CCSER1: variants seen among roughly 807,000 people sequenced by gnomAD.
The protein encoded by CCSER1 is coiled-coil serine rich protein 1, also known as serine-rich coiled-coil domain-containing protein 1.
A neutral mutation model predicts 82.0 loss-of-function variants in CCSER1; 41 were observed. The observed-to-expected ratio is 0.50, with a 90% CI of 0.39 to 0.65. The LOEUF (loss-of-function observed/expected upper bound fraction) is 0.65, where lower values mean the gene tolerates loss of function less well. Among genes scored for constraint, CCSER1 ranks in the 30% least tolerant of loss-of-function variants. The probability of loss-of-function intolerance (pLI) is 0.00; values close to 1 mark genes in which losing one functional copy is unlikely to be tolerated. For missense variants in CCSER1, 1,119 were observed against 1,064.2 expected (o/e 1.05, Z -0.72); for synonymous variants, 414 against 383.9 (o/e 1.08, Z -0.92).
At chr4:91,361,455 G>A (rs974012229) in intron 10 of CCSER1, among the ~76,000 whole-genome samples, 1 of 151,782 alleles carries the variant, frequency 6.6e-6, no homozygotes, top group African/African-American at 2.4e-5. Context: ...GAGATGATTA[G>A]AGTCTTAACT....
intron 5 of CCSER1, among the ~76,000 whole-genome samples, chr4:90,545,879 T>C (rs774603813): frequency 6.6e-6 from 1 of 152,170 alleles, no homozygotes; most frequent in African/African-American, 2.4e-5. Flanking sequence ...AACAATATTT[T>C]CCTCTAGGGA....
chr4:90,870,601 A>T (rs188117730), intron 8 of CCSER1, among the ~76,000 whole-genome samples: 1 of 151,638 alleles, frequency 6.6e-6, no homozygotes. Context: ...CATTTTGTTG[A>T]GGTTTTTTAC....
At chr4:91,191,376 G>T (rs1348892477) in intron 10 of CCSER1, among the ~76,000 whole-genome samples, 2 of 151,918 alleles carry the variant, frequency 1.3e-5, no homozygotes, top group Non-Finnish European at 2.9e-5. Context: ...TTCTTTCTGG[G>T]GCCAAACTGT....
At chr4:91,238,988 T>C (rs1454758068) in intron 10 of CCSER1, among the ~76,000 whole-genome samples, 2 of 152,054 alleles carry the variant, frequency 1.3e-5, no homozygotes, top group African/African-American at 4.8e-5. Context: ...CGTGCCTGGC[T>C]AATTTTTTTG....
chr4:90,885,726 A>T (rs909258048), intron 8 of CCSER1, among the ~76,000 whole-genome samples: 1 of 152,184 alleles, frequency 6.6e-6, no homozygotes, highest in Non-Finnish European at 1.5e-5. Flanking sequence ...CCACCTCTTG[A>T]GTGACAGAAA....
intron 5 of CCSER1, among the ~76,000 whole-genome samples, chr4:90,552,167 A>G (rs577767288): frequency 7.9e-5 from 12 of 152,154 alleles, no homozygotes; most frequent in Non-Finnish European, 1.3e-4. Context: ...CACATTGGCC[A>G]TTAAGTTTCA....
chr4:90,581,113 A>G (rs1179200730), intron 5 of CCSER1, among the ~76,000 whole-genome samples: 1 of 152,142 alleles, frequency 6.6e-6, no homozygotes, highest in African/African-American at 2.4e-5. Context: ...GCAACAAATA[A>G]GAAACAAAGA....
chr4:91,437,561 C>T (rs569362490), intron 10 of CCSER1, among the ~76,000 whole-genome samples: 18 of 152,254 alleles, frequency 1.2e-4, no homozygotes, highest in East Asian at 9.7e-4. Context: ...ATGCAGAAGA[C>T]GGGTGATTTC....
At chr4:91,584,147 A>G (rs762411530) in intron 10 of CCSER1, among the ~76,000 whole-genome samples, 1 of 151,510 alleles carries the variant, frequency 6.6e-6, no homozygotes. Context: ...AATAACTACT[A>G]AATGCCAGAA....
rs149719456 is a variant in CCSER1 at position 91,144,533 on chromosome 4, G to C, written c.2217+58539G>C. On this transcript the variant is annotated intron_variant, in intron 10 of 10. Coordinates refer to ENST00000509176, the MANE Select transcript of CCSER1 (RefSeq NM_001145065.2). ...GGCTAGTTTGTTGTCATTTTCTCTA[G>C]TTTCCAGGTTGATGTTCTTTTCTTA... Among the ~76,000 whole-genome samples, 911 of 151,458 alleles carry C rather than the reference G, an allele frequency of 6.0e-3. 12 individuals are homozygous for C. Among genetic ancestry groups the C allele is most frequent in the African/African-American group, 0.021 (852 of 41,320 alleles).
At chr4:91,582,291 A>AC (rs1257540948) in intron 10 of CCSER1, among the ~76,000 whole-genome samples, 2 of 151,568 alleles carry the variant, frequency 1.3e-5, no homozygotes, top group Non-Finnish European at 3.0e-5. Context: ...TGGACATTCA[A>AC]ATCTTGTCTG....
At chr4:90,707,061 C>T (rs1480488860) in intron 6 of CCSER1, among the ~76,000 whole-genome samples, 5 of 152,154 alleles carry the variant, frequency 3.3e-5, no homozygotes, top group Non-Finnish European at 7.3e-5. Context: ...TGCCATCAGA[C>T]TGTATCACTT....
chr4:91,546,463 G>A (rs1761894213), intron 10 of CCSER1, among the ~76,000 whole-genome samples: 1 of 151,798 alleles, frequency 6.6e-6, no homozygotes, highest in South Asian at 2.1e-4. Flanking sequence ...TTTTGTATGA[G>A]GTTTGACAAA....
chr4:90,191,974 T>A (rs1169993093), intron 1 of CCSER1, among the ~76,000 whole-genome samples: 1 of 152,060 alleles, frequency 6.6e-6, no homozygotes, highest in Non-Finnish European at 1.5e-5. Context: ...AAAAACAACA[T>A]ATAAAAGACT....
At chr4:90,533,139 T>G (rs967830428) in intron 5 of CCSER1, among the ~76,000 whole-genome samples, 6 of 138,100 alleles carry the variant, frequency 4.3e-5, no homozygotes, top group African/African-American at 1.6e-4. Context: ...TCGCCCAGAC[T>G]GGAGTGCAGC....
At chr4:90,664,145 T>C (rs1318008825) in intron 6 of CCSER1, among the ~76,000 whole-genome samples, 6 of 152,322 alleles carry the variant, frequency 3.9e-5, no homozygotes, top group South Asian at 2.1e-4. Context: ...ATTTGAAATA[T>C]TGATGGTATG....
At chr4:90,359,607 G>C (rs2153517172) in intron 3 of CCSER1, among the ~76,000 whole-genome samples, 1 of 151,740 alleles carries the variant, frequency 6.6e-6, no homozygotes, top group East Asian at 2.0e-4. Flanking sequence ...GCGTGATGGT[G>C]GGCACCTGTA....
chr4:90,156,976 T>A (rs145969600), intron 1 of CCSER1, among the ~76,000 whole-genome samples: 2 of 152,138 alleles, frequency 1.3e-5, no homozygotes, highest in Admixed American at 1.3e-4. Flanking sequence ...CCTCGATGGT[T>A]TTTACAATTT....
intron 9 of CCSER1, among the ~76,000 whole-genome samples, chr4:91,083,573 AAAATAAAAACAAAAAAACTATTAC>A (rs1335518354): frequency 1.3e-5 from 2 of 152,142 alleles, no homozygotes; most frequent in African/African-American, 2.4e-5. Flanking sequence ...AAAATGAAAT[AAAATAAAAACAAAAAAACTATTAC>A]AAATAAAAAT....
Sources: allele counts gnomAD v4.1 joint callset (sites outside exome capture counted in the v4.1 genomes callset), GRCh38; gene constraint gnomAD v4.1.1; transcripts MANE v1.5; gene names NCBI Gene and HGNC (gene_info 2026-07-23, HGNC 2026-07-21).